ABCA13: variants seen among roughly 807,000 people sequenced by gnomAD.
ABCA13 encodes the protein ATP binding cassette subfamily A member 13.
In ABCA13, 476 loss-of-function variants were observed where a neutral mutation model predicts 478.7. The observed-to-expected ratio is 0.99, with a 90% CI of 0.92 to 1.07. ABCA13 has a LOEUF of 1.07. Among genes scored for constraint, ABCA13 ranks in the 50% least tolerant of loss-of-function variants. The pLI, the probability that ABCA13 is intolerant of heterozygous loss-of-function variation, is 0.00. For missense variants in ABCA13, 6,060 were observed against 5,910.6 expected, an observed-to-expected ratio of 1.03 and a Z score of -0.83; for synonymous variants, 2,252 against 2,158.9, an observed-to-expected ratio of 1.04 and a Z score of -1.20.
intron 58 of ABCA13, among the ~76,000 whole-genome samples, chr7:48,598,128 C>A (rs1489213959): frequency 2.0e-5 from 3 of 152,166 alleles, no homozygotes; most frequent in Admixed American, 6.5e-5. Context: ...CCCCTGGTAA[C>A]CACTCATCTT....
intron 55 of ABCA13, among the ~76,000 whole-genome samples, chr7:48,547,496 A>G (rs1784922613): frequency 6.6e-6 from 1 of 151,944 alleles, no homozygotes; most frequent in Non-Finnish European, 1.5e-5. Context: ...GGCCCCATGT[A>G]GATCTGTATT....
intron 58 of ABCA13, among the ~76,000 whole-genome samples, chr7:48,599,381 T>C (rs1242262865): frequency 1.3e-5 from 2 of 152,022 alleles, no homozygotes; most frequent in African/African-American, 2.4e-5. Flanking sequence ...GTTTTTTTTT[T>C]ATAAAACACC....
intron 32 of ABCA13, among the ~76,000 whole-genome samples, chr7:48,369,176 A>G (rs1812241997): frequency 6.6e-6 from 1 of 152,010 alleles, no homozygotes; most frequent in Non-Finnish European, 1.5e-5. Flanking sequence ...ATTTTTCCAT[A>G]TGTTTGTTGA....
intron 16 of ABCA13, among the ~76,000 whole-genome samples, chr7:48,269,655 A>G (rs1470992682): frequency 6.6e-6 from 1 of 152,186 alleles, no homozygotes; most frequent in Non-Finnish European, 1.5e-5. Flanking sequence ...TTTGCATAAG[A>G]GCAGTAACGC....
intron 55 of ABCA13, among the ~76,000 whole-genome samples, chr7:48,563,018 T>C (rs960497369): frequency 1.3e-5 from 2 of 152,094 alleles, no homozygotes; most frequent in African/African-American, 4.8e-5. Context: ...TATATATTTA[T>C]ATATATGTCT....
chr7:48,180,583 G>A (rs577371827), intron 1 of ABCA13, among the ~76,000 whole-genome samples: 1 of 151,324 alleles, frequency 6.6e-6, no homozygotes, highest in African/African-American at 2.5e-5. Flanking sequence ...ATCATGCCTG[G>A]CTAATTTTTT....
chr7:48,202,962 G>A (rs1799015321), intron 3 of ABCA13, among the ~76,000 whole-genome samples: 2 of 152,346 alleles, frequency 1.3e-5, no homozygotes, highest in South Asian at 4.1e-4. Context: ...GTGGAGCAGG[G>A]GGCGGCGCTC....
At chr7:48,466,915 A>G in intron 43 of ABCA13, 41 bp from the exon 44 acceptor site, 1 of 1,601,486 alleles carries the variant, frequency 6.2e-7, no homozygotes, top group Non-Finnish European at 8.6e-7. Flanking sequence ...GGAGCCACTA[A>G]TAATCCCACT....
chr7:48,499,739 G>A (rs1314412620), intron 48 of ABCA13, among the ~76,000 whole-genome samples: 1 of 152,174 alleles, frequency 6.6e-6, no homozygotes, highest in African/African-American at 2.4e-5. Flanking sequence ...AACTTGTGAA[G>A]TAATGTCGTA....
At chr7:48,385,573 A>G (rs1177030925) in intron 35 of ABCA13, among the ~76,000 whole-genome samples, 1 of 152,168 alleles carries the variant, frequency 6.6e-6, no homozygotes, top group Non-Finnish European at 1.5e-5. Flanking sequence ...ATGGCCATTT[A>G]GGTTGATTCC....
intron 27 of ABCA13, among the ~76,000 whole-genome samples, chr7:48,320,224 A>C (rs574313124): frequency 6.6e-6 from 1 of 152,344 alleles, no homozygotes; most frequent in East Asian, 1.9e-4. Context: ...GGGGTAATAG[A>C]AGAAGCTTGT....
intron 25 of ABCA13, 148 bp from the exon 26 acceptor site, chr7:48,314,084 C>A: frequency 2.1e-6 from 2 of 949,358 alleles, no homozygotes; most frequent in Non-Finnish European, 1.5e-6. Context: ...ATCCCAAGGA[C>A]AGAAAACTCT....
chr7:48,414,582 CAT>C, intron 41 of ABCA13, among the ~76,000 whole-genome samples: 1 of 149,428 alleles, frequency 6.7e-6, no homozygotes, highest in Middle Eastern at 3.6e-3. Context: ...ACATATGTAA[CAT>C]ATAATATACA....
At chr7:48,595,238 T>G (rs1188576293) in intron 58 of ABCA13, among the ~76,000 whole-genome samples, 1 of 152,232 alleles carries the variant, frequency 6.6e-6, no homozygotes, top group Non-Finnish European at 1.5e-5. Context: ...GTTTAACATT[T>G]TCTTTATCAC....
chr7:48,463,970 A>G (rs1826586708), intron 43 of ABCA13, among the ~76,000 whole-genome samples: 1 of 152,138 alleles, frequency 6.6e-6, no homozygotes, highest in South Asian at 2.1e-4. Context: ...CACTGGGGGG[A>G]CTTGTTAACC....
intron 5 of ABCA13, among the ~76,000 whole-genome samples, chr7:48,226,450 C>T (rs1788221037): frequency 6.6e-6 from 1 of 152,164 alleles, no homozygotes. Context: ...AGTTGGACCT[C>T]TGGAGAATGC....
At position 48,274,911 on chromosome 7, in the gene ABCA13, G is replaced by A; in HGVS notation, c.5245G>A (p.Val1749Met). Reference sequence around the variant, plus strand: ...GGATGCTGTGATAGATGTGTACTATGTGCTTCCTCATGCTGTAAGGCTCCT... The same window carrying A: ...GGATGCTGTGATAGATGTGTACTATATGCTTCCTCATGCTGTAAGGCTCCT... Reference protein sequence around the residue: ...VVDAVIDVYYVLPHAVRLLQG... With the variant: ...VVDAVIDVYYMLPHAVRLLQG... The change falls in exon 17 of 62, where the codon GTG (valine) becomes ATG (methionine). Residue 1749 changes from valine to methionine, a missense_variant. Physicochemically the swap from Val to Met is conservative, Grantham distance 21 (BLOSUM62 1). Coordinates refer to ENST00000435803, the MANE Select transcript of ABCA13 (RefSeq NM_152701.5). The A allele has an allele frequency of 1.2e-6, 2 of 1,613,928 alleles. No individual in the cohort carries two copies. Among genetic ancestry groups the A allele is most frequent in the Non-Finnish European group, 1.7e-6 (2 of 1,179,844 alleles).
At chr7:48,392,417 T>C (rs1816209659) in intron 38 of ABCA13, among the ~76,000 whole-genome samples, 1 of 152,206 alleles carries the variant, frequency 6.6e-6, no homozygotes, top group Non-Finnish European at 1.5e-5. Context: ...GGAAACTTTG[T>C]GTATCTGGAG....
chr7:48,356,307 G>A (rs890418151), intron 31 of ABCA13, among the ~76,000 whole-genome samples: 1 of 151,934 alleles, frequency 6.6e-6, no homozygotes, highest in East Asian at 1.9e-4. Flanking sequence ...ACTTGGAGGG[G>A]TAGAATTGGA....
Sources: allele counts gnomAD v4.1 joint callset (sites outside exome capture counted in the v4.1 genomes callset), GRCh38; gene constraint gnomAD v4.1.1; transcripts MANE v1.5; gene names NCBI Gene and HGNC (gene_info 2026-07-23, HGNC 2026-07-21).